MARCHF4: variants seen among roughly 807,000 people sequenced by gnomAD.
MARCHF4 encodes the protein E3 ubiquitin-protein ligase MARCHF4.
In MARCHF4, 14 loss-of-function variants were observed where a neutral mutation model predicts 43.9. The observed-to-expected ratio is 0.32, with a 90% confidence interval of 0.21 to 0.50. The LOEUF (loss-of-function observed/expected upper bound fraction) is 0.50. MARCHF4 is among the 20% of genes least tolerant of loss of function. MARCHF4 has a pLI of 0.98. For missense variants in MARCHF4, 468 were observed against 536.7 expected, an observed-to-expected ratio of 0.87 and a Z score of 1.27; for synonymous variants, 226 against 213.3, an observed-to-expected ratio of 1.06 and a Z score of -0.52.
At chr2:216,364,899 A>G (rs1692641499) in intron 1 of MARCHF4, among the ~76,000 whole-genome samples, 1 of 152,220 alleles carries the variant, frequency 6.6e-6, no homozygotes, top group Non-Finnish European at 1.5e-5. Flanking sequence ...ATTTTTCAGG[A>G]AAGGAGGATA....
chr2:216,268,073 A>G (rs975401878), intron 3 of MARCHF4, among the ~76,000 whole-genome samples: 2 of 152,316 alleles, frequency 1.3e-5, no homozygotes, highest in East Asian at 3.9e-4. Context: ...GCCAGTTTCT[A>G]CAGCTGCTGC....
At chr2:216,358,652 A>G (rs1692535492) in intron 1 of MARCHF4, among the ~76,000 whole-genome samples, 1 of 152,160 alleles carries the variant, frequency 6.6e-6, no homozygotes, top group Admixed American at 6.5e-5. Context: ...AAAGCTTGCC[A>G]TGTGTTTTCT....
intron 1 of MARCHF4, among the ~76,000 whole-genome samples, chr2:216,297,670 C>A (rs1164520841): frequency 2.0e-5 from 3 of 152,156 alleles, no homozygotes; most frequent in Non-Finnish European, 4.4e-5. Context: ...TGTGCCACCA[C>A]ACCCGCCTAA....
intron 1 of MARCHF4, among the ~76,000 whole-genome samples, chr2:216,284,086 A>G (rs1691180686): frequency 6.6e-6 from 1 of 152,218 alleles, no homozygotes; most frequent in Non-Finnish European, 1.5e-5. Context: ...CTCAGCCAAG[A>G]GTTGCAAACT....
intron 3 of MARCHF4, among the ~76,000 whole-genome samples, chr2:216,270,067 G>A (rs705654): frequency 0.027 from 3,894 of 146,780 alleles, 144 homozygotes; most frequent in African/African-American, 0.092. Context: ...CAGAAATCTA[G>A]GCATCCACCA....
chr2:216,312,253 T>C (rs954998697), intron 1 of MARCHF4, among the ~76,000 whole-genome samples: 2 of 152,198 alleles, frequency 1.3e-5, no homozygotes, highest in Non-Finnish European at 2.9e-5. Context: ...GATAATGGCT[T>C]CCGGCTTCAT....
rs115373164 is a variant in MARCHF4 at position 216,341,656 on chromosome 2, T to A, written c.516+28089A>T. ...CAAAGCTGAGGACTGAAGCAGTGAA[T>A]GGAGGACAGCAACACCGGTGCCTCC... is the stretch of plus-strand genomic sequence containing the variant. On this transcript the variant is annotated intron_variant, in intron 1 of 3. Coordinates refer to ENST00000273067, the MANE Select transcript of MARCHF4 (RefSeq NM_020814.3). Among the ~76,000 whole-genome samples, 1,522 of 152,344 alleles carry A rather than the reference T, an allele frequency of 1.0e-2. 37 individuals are homozygous for A. The highest frequency in any genetic ancestry group is 0.035 in the African/African-American group (1,441 of 41,574).
intron 3 of MARCHF4, among the ~76,000 whole-genome samples, chr2:216,265,327 C>G (rs1690827625): frequency 6.6e-6 from 1 of 152,168 alleles, no homozygotes; most frequent in Non-Finnish European, 1.5e-5. Context: ...AAATCCAGTT[C>G]TAGAAGAATT....
Position 216,370,250 on chromosome 2 carries a change from G to A in MARCHF4, c.11C>T (p.Pro4Leu). Residue 4 changes from proline (P) to leucine (L), a missense_variant, in exon 1 of 4, where the codon CCC (proline) becomes CTC (leucine). Pro to Leu is a moderately conservative substitution (Grantham distance 98). Around this residue, in one of 3 missense-constraint regions of MARCHF4, gnomAD observed 190 missense variants for 158.5 expected, o/e 1.20. Transcript: ENST00000273067. ...CCACCACCAGAGCAGCCCACACAGGGGCATCAGCATGTGCCCCGTGGAAGT... is the reference window on the plus strand; with the variant it reads ...CCACCACCAGAGCAGCCCACACAGGAGCATCAGCATGTGCCCCGTGGAAGT... MLM[P>L]LCGLLWWWWC... is the part of the protein sequence containing the mutation. The A allele has an allele frequency of 6.2e-7, 1 of 1,602,730 alleles. No homozygotes were observed. The highest frequency in any genetic ancestry group is 8.5e-7 in the Non-Finnish European group (1 of 1,172,342).
intron 1 of MARCHF4, among the ~76,000 whole-genome samples, chr2:216,297,571 G>A (rs1356366618): frequency 6.6e-6 from 1 of 152,158 alleles, no homozygotes. Flanking sequence ...GAGTGCAGTG[G>A]CACAATCTCA....
At chr2:216,320,198 T>C (rs888629974) in intron 1 of MARCHF4, among the ~76,000 whole-genome samples, 1 of 152,238 alleles carries the variant, frequency 6.6e-6, no homozygotes, top group African/African-American at 2.4e-5. Context: ...AAGGTATTAC[T>C]CCTTCCATAT....
At chr2:216,363,209 G>A (rs936625897) in intron 1 of MARCHF4, among the ~76,000 whole-genome samples, 2 of 152,172 alleles carry the variant, frequency 1.3e-5, no homozygotes, top group African/African-American at 2.4e-5. Context: ...GGGGGCCTCA[G>A]CTAGAAGCCA....
intron 3 of MARCHF4, among the ~76,000 whole-genome samples, chr2:216,275,204 G>A (rs1691000373): frequency 6.6e-6 from 1 of 152,340 alleles, no homozygotes; most frequent in East Asian, 1.9e-4. Context: ...TAGAGAGATA[G>A]AAGTGTGCCA....
At chr2:216,358,730 A>G (rs1692536423) in intron 1 of MARCHF4, among the ~76,000 whole-genome samples, 1 of 152,190 alleles carries the variant, frequency 6.6e-6, no homozygotes, top group Non-Finnish European at 1.5e-5. Flanking sequence ...CTGGAAAAAA[A>G]GCCTTCATCT....
At chr2:216,274,675 C>T (rs1165759152) in intron 3 of MARCHF4, among the ~76,000 whole-genome samples, 5 of 152,164 alleles carry the variant, frequency 3.3e-5, no homozygotes, top group Non-Finnish European at 7.3e-5. Context: ...TGCAAGATCA[C>T]ATATTACTCC....
intron 2 of MARCHF4, among the ~76,000 whole-genome samples, chr2:216,278,374 A>G (rs1691064740): frequency 6.6e-6 from 1 of 151,966 alleles, no homozygotes; most frequent in Non-Finnish European, 1.5e-5. Flanking sequence ...CAGGCACCCA[A>G]CACCATGCGT....
chr2:216,277,344 A>G (rs1691041576), intron 3 of MARCHF4, among the ~76,000 whole-genome samples: 1 of 152,230 alleles, frequency 6.6e-6, no homozygotes. Flanking sequence ...TATAGGGTGC[A>G]CAGTGGAGAG....
Position 216,259,193 on chromosome 2 carries a change from C to A in MARCHF4, c.*119G>T. On this transcript the variant is annotated 3_prime_UTR_variant, in exon 4 of 4. Transcript: ENST00000273067. ...CCGCTCTGACACTACCCCAGGGCTC[C>A]CGCCAGGTCCCCCACCCTCTGCCTG... 6.9e-7 allele frequency: 1 copy of A among 1,452,100 alleles called. No homozygotes were observed. Among genetic ancestry groups the A allele is most frequent in the Non-Finnish European group, 9.1e-7 (1 of 1,097,446 alleles). 90.0% of individuals were successfully genotyped at this position (1,452,100 alleles called of 1,614,324 possible).
At position 216,258,608 on chromosome 2, in the gene MARCHF4, C is replaced by T. The variant is rs1690690155; in HGVS notation, c.*704G>A. ...ATTAACAAGGGCACAGAAGGACACC[C>T]TTTTCCAAACCTAAGCCCTCTTTTA... On this transcript the variant is annotated 3_prime_UTR_variant, in exon 4 of 4. Coordinates refer to ENST00000273067, the MANE Select transcript of MARCHF4 (RefSeq NM_020814.3). 3 of 152,414 alleles carry T rather than the reference C, an allele frequency of 2.0e-5. No homozygotes were observed. Among genetic ancestry groups the T allele is most frequent in the South Asian group, 2.1e-4 (1 of 4,806 alleles). 9.4% of individuals were successfully genotyped at this position (152,414 alleles called of 1,614,324 possible).
Sources: allele counts gnomAD v4.1 joint callset (sites outside exome capture counted in the v4.1 genomes callset), GRCh38; gene constraint gnomAD v4.1.1; regional missense constraint gnomAD v4.1.1; transcripts MANE v1.5; gene names NCBI Gene and HGNC (gene_info 2026-07-23, HGNC 2026-07-21).